DOCK6: variants seen among roughly 807,000 people sequenced by gnomAD.
DOCK6 encodes dedicator of cytokinesis protein 6.
DOCK6 carries 167 observed loss-of-function variants against 230.3 expected under a neutral mutation model. That is an observed-to-expected ratio of 0.73 (90% CI 0.64 to 0.82). DOCK6 has a LOEUF of 0.82. Ranked by LOEUF, DOCK6 falls within the 40% of genes least tolerant of loss-of-function variation. The pLI is 0.00. For synonymous variants in DOCK6, 1,148 were observed against 1,185.0 expected, an observed-to-expected ratio of 0.97 and a Z score of 0.64; for missense variants, 2,598 against 2,825.8, an observed-to-expected ratio of 0.92 and a Z score of 1.83.
intron 1 of DOCK6, among the ~76,000 whole-genome samples, chr19:11,255,674 G>A (rs1283187286): frequency 6.6e-6 from 1 of 152,194 alleles, no homozygotes; most frequent in Admixed American, 6.5e-5. Context: ...GTGGCTTTGG[G>A]CAGGTAGGAT....
rs957946689 is a variant in DOCK6 at position 11,202,908 on chromosome 19, G to C, written c.5236-199C>G. 6.6e-6 allele frequency among the ~76,000 whole-genome samples: 1 copy of C among 152,110 alleles called. No homozygotes were observed. The highest frequency in any genetic ancestry group is 1.5e-5 in the Non-Finnish European group (1 of 68,014). On this transcript the variant is annotated intron_variant, in intron 41 of 47. Transcript: ENST00000294618. This position sits in a 1 kb window ranked among gnomAD's most constrained non-coding sequence, Gnocchi z 5.3. ...TTAGGACTGGGGCTGTATTGTTTAC[G>C]GGTGTGTCCCTAATGCCCGTGGGAC...
At chr19:11,245,781 AG>A in intron 8 of DOCK6, 30 bp downstream of exon 8, 1 of 1,594,154 alleles carries the variant, frequency 6.3e-7, no homozygotes, top group Non-Finnish European at 8.5e-7. Context: ...AGGAGAAGGA[AG>A]GGGAGGAAAG....
intron 35 of DOCK6, 118 bp downstream of exon 35, chr19:11,213,058 C>T (rs1008078314): frequency 7.4e-7 from 1 of 1,360,338 alleles, no homozygotes; most frequent in South Asian, 1.4e-5. Flanking sequence ...CTGAGCCCTC[C>T]TCCTGCTCAT....
intron 24 of DOCK6, among the ~76,000 whole-genome samples, 179 bp from the exon 25 acceptor site, chr19:11,223,285 C>G (rs906183879): frequency 5.3e-5 from 8 of 152,170 alleles, no homozygotes; most frequent in Non-Finnish European, 1.0e-4. Flanking sequence ...CTTCCCCTCC[C>G]ATGCTCCTTA....
At chr19:11,240,223 G>C in intron 14 of DOCK6, 1 of 1,571,766 alleles carries the variant, frequency 6.4e-7, no homozygotes, top group Non-Finnish European at 8.6e-7. Flanking sequence ...CTACGGGACA[G>C]CGTGCAGCGG....
At chr19:11,211,704 A>G (rs1364636506) in intron 37 of DOCK6, 72 bp downstream of exon 37, 6 of 1,223,844 alleles carry the variant, frequency 4.9e-6, no homozygotes, top group Non-Finnish European at 7.0e-6. Flanking sequence ...TTAGACATCT[A>G]CTCTCATCCC....
chr19:11,253,500 G>A (rs553142910), intron 2 of DOCK6, 139 bp downstream of exon 2: 5 of 512,644 alleles, frequency 9.8e-6, no homozygotes, highest in East Asian at 3.5e-5. Context: ...TCCCTCCCCC[G>A]ACACTGCTGG....
In DOCK6 at chr19:11,260,561, C is replaced by A. The variant is rs1441863494; in HGVS notation, c.44+1836G>T. Among the ~76,000 whole-genome samples the A allele has an allele frequency of 2.7e-5, 4 of 148,306 alleles. No individual in the cohort carries two copies. In the East Asian group the frequency reaches 7.9e-4, roughly 29 times the overall value. ...CACCACTGCACTCCAGTCTGGGTGA[C>A]AGAGCAAGACCCTGTCTCAAAAAAA... On this transcript the variant is annotated intron_variant, in intron 1 of 47. Coordinates refer to ENST00000294618, the MANE Select transcript of DOCK6 (RefSeq NM_020812.4).
Position 11,200,531 on chromosome 19 carries a change from G to C in DOCK6, c.5940-62C>G. Reference sequence around the variant, plus strand: ...CACACGGGACTGAAAGCAAGACTAGGGGTGGGGGCACCCATAAGGCGGGAC... The same window carrying C: ...CACACGGGACTGAAAGCAAGACTAGCGGTGGGGGCACCCATAAGGCGGGAC... On this transcript the variant is annotated intron_variant, in intron 46 of 47. Transcript: ENST00000294618. The surrounding 1 kb of genome is among the most constrained non-coding windows in gnomAD (Gnocchi z 4.3). 6.4e-7 allele frequency: 1 copy of C among 1,574,466 alleles called. No homozygotes were observed. Among genetic ancestry groups the C allele is most frequent in the Admixed American group, 1.8e-5 (1 of 54,850 alleles).
chr19:11,246,509 C>A (rs929687414), intron 7 of DOCK6, among the ~76,000 whole-genome samples: 11 of 152,264 alleles, frequency 7.2e-5, no homozygotes, highest in Admixed American at 5.9e-4. Context: ...CTGGTCCCAC[C>A]CGCCTCAGCC....
At chr19:11,258,895 T>C (rs1384775795) in intron 1 of DOCK6, among the ~76,000 whole-genome samples, 1 of 151,696 alleles carries the variant, frequency 6.6e-6, no homozygotes, top group Non-Finnish European at 1.5e-5. Context: ...TAATTGGGAT[T>C]ACAGGCACTC....
intron 1 of DOCK6, 46 bp downstream of exon 1, chr19:11,262,351 C>A: frequency 8.2e-7 from 1 of 1,217,822 alleles, no homozygotes; most frequent in Non-Finnish European, 1.0e-6. Flanking sequence ...CGGGGCGGAG[C>A]CGGGCCACGT....
chr19:11,202,243 G>T lies in DOCK6; in HGVS notation c.5452-118C>A. ...TTTCCAAGTCTTCCTATGTCTGGATGTTTGGGAATCCCCTGAGGAATAGGT... is the reference window on the plus strand; with the variant it reads ...TTTCCAAGTCTTCCTATGTCTGGATTTTTGGGAATCCCCTGAGGAATAGGT... On this transcript the variant is annotated intron_variant, in intron 43 of 47. Coordinates refer to ENST00000294618, the MANE Select transcript of DOCK6 (RefSeq NM_020812.4). The surrounding 1 kb of genome is among the most constrained non-coding windows in gnomAD (Gnocchi z 5.3). 7.2e-7 allele frequency: 1 copy of T among 1,380,034 alleles called. No homozygotes were observed. Among genetic ancestry groups the T allele is most frequent in the Non-Finnish European group, 1.0e-6 (1 of 997,506 alleles). The allele number at this position is 1,380,034 out of a possible 1,614,324, so 85.5% of individuals were successfully genotyped here.
chr19:11,200,525 G>C lies in DOCK6; in HGVS notation c.5940-56C>G, dbSNP rs2079151481. The stretch of plus-strand genomic sequence containing the variant: ...GACTCGCACACGGGACTGAAAGCAA[G>C]ACTAGGGGTGGGGGCACCCATAAGG... On this transcript the variant is annotated intron_variant, in intron 46 of 47. Transcript: ENST00000294618. This position sits in a 1 kb window ranked among gnomAD's most constrained non-coding sequence, Gnocchi z 4.3. The C allele has an allele frequency of 1.3e-6, 2 of 1,579,214 alleles. No homozygotes were observed. The highest frequency in any genetic ancestry group is 1.7e-6 in the Non-Finnish European group (2 of 1,163,270).
At chr19:11,216,738 A>C (rs2079494312) in intron 30 of DOCK6, 176 bp downstream of exon 30, 1 of 669,392 alleles carries the variant, frequency 1.5e-6, no homozygotes, top group Admixed American at 2.8e-5. Flanking sequence ...TCACAAAGGC[A>C]CTTCTGACTT....
At chr19:11,244,175 T>C (rs1315134173) in intron 9 of DOCK6, among the ~76,000 whole-genome samples, 3 of 152,206 alleles carry the variant, frequency 2.0e-5, no homozygotes, top group Non-Finnish European at 2.9e-5. Context: ...TGTATGTATG[T>C]ATGTATGTAT....
At position 11,200,641 on chromosome 19, in the gene DOCK6, A is replaced by G; in HGVS notation, c.5939+75T>C. 6.6e-7 allele frequency: 1 copy of G among 1,509,742 alleles called. No individual in the cohort carries two copies. The highest frequency in any genetic ancestry group is 2.0e-5 in the Admixed American group (1 of 51,256). 93.5% of individuals were successfully genotyped at this position (1,509,742 alleles called of 1,614,324 possible). A position where few individuals can be genotyped will look rare whatever the true frequency, so the allele number is the denominator to read the frequency against. On this transcript the variant is annotated intron_variant, in intron 46 of 47. Transcript: ENST00000294618. The surrounding 1 kb of genome is among the most constrained non-coding windows in gnomAD (Gnocchi z 4.3). ...TCGGGCAGATGGGGGAGCCATGCAG[A>G]GATCAGATGGGCAGAGAGCAGGCCT... is the stretch of plus-strand genomic sequence containing the variant.
chr19:11,250,804 A>T (rs2080105086), intron 6 of DOCK6, 70 bp downstream of exon 6: 3 of 1,445,926 alleles, frequency 2.1e-6, no homozygotes. Context: ...GAAGCTATTG[A>T]ATAAACATGA....
chr19:11,219,781 C>G (rs374839352), intron 28 of DOCK6, among the ~76,000 whole-genome samples: 1,636 of 148,100 alleles, frequency 0.011, 33 homozygotes, highest in African/African-American at 0.039. Flanking sequence ...GAGCGAGACT[C>G]TGTCTCAAAA....
Sources: allele counts gnomAD v4.1 joint callset (sites outside exome capture counted in the v4.1 genomes callset), GRCh38; gene constraint gnomAD v4.1.1; non-coding constraint Gnocchi (gnomAD v3.1); transcripts MANE v1.5; gene names NCBI Gene and HGNC (gene_info 2026-07-23, HGNC 2026-07-21).